EYS: variants seen among roughly 807,000 people sequenced by gnomAD.
The protein encoded by EYS is EGF-like photoreceptor maintenance factor.
A neutral mutation model predicts 282.1 loss-of-function variants in EYS; 250 were observed. The observed-to-expected ratio is 0.89, with a 90% CI of 0.80 to 0.98. The LOEUF (loss-of-function observed/expected upper bound fraction) is 0.98, where lower values mean the gene tolerates loss of function less well. EYS is among the 50% of genes least tolerant of loss of function. The probability of loss-of-function intolerance (pLI) is 0.00; values close to 1 mark genes in which losing one functional copy is unlikely to be tolerated. For synonymous variants in EYS, 1,355 were observed against 1,282.9 expected (o/e 1.06, Z -1.20); for missense variants, 4,016 against 3,709.0 (o/e 1.08, Z -2.15).
intron 26 of EYS, among the ~76,000 whole-genome samples, chr6:64,535,363 G>A (rs1227607644): frequency 6.6e-6 from 1 of 152,094 alleles, no homozygotes; most frequent in Non-Finnish European, 1.5e-5. Context: ...CAGGCATTAA[G>A]TAACTCAAGT....
At chr6:64,555,155 A>G (rs1472617611) in intron 26 of EYS, among the ~76,000 whole-genome samples, 2 of 151,956 alleles carry the variant, frequency 1.3e-5, no homozygotes, top group East Asian at 3.9e-4. Context: ...AAACAGTCAT[A>G]TAAATATGTA....
intron 13 of EYS, among the ~76,000 whole-genome samples, chr6:65,001,752 T>C (rs1047820823): frequency 1.4e-5 from 2 of 147,812 alleles, no homozygotes; most frequent in African/African-American, 4.9e-5. Context: ...TCAGAGAAAG[T>C]ATGAAGAATC....
chr6:64,434,387 T>C (rs1395494848), intron 28 of EYS, among the ~76,000 whole-genome samples: 1 of 152,136 alleles, frequency 6.6e-6, no homozygotes, highest in African/African-American at 2.4e-5. Context: ...TTATAAGTTT[T>C]ACGATGATTA....
chr6:65,466,380 C>T (rs755474436), intron 5 of EYS, among the ~76,000 whole-genome samples: 4 of 151,626 alleles, frequency 2.6e-5, no homozygotes, highest in African/African-American at 7.3e-5. Flanking sequence ...GAAATAAATC[C>T]TCAAAATAAA....
intron 35 of EYS, among the ~76,000 whole-genome samples, chr6:63,941,967 T>A (rs1295781304): frequency 6.6e-6 from 1 of 152,202 alleles, no homozygotes; most frequent in African/African-American, 2.4e-5. Flanking sequence ...GTTCTTTTGA[T>A]TTTGAACAAT....
intron 35 of EYS, among the ~76,000 whole-genome samples, chr6:63,921,363 C>T (rs1764570286): frequency 2.0e-5 from 3 of 152,190 alleles, no homozygotes; most frequent in Admixed American, 6.5e-5. Context: ...GCTGTTGATC[C>T]TCATTCTTTC....
chr6:64,840,130 T>G (rs1180736665), intron 19 of EYS, among the ~76,000 whole-genome samples: 3 of 152,142 alleles, frequency 2.0e-5, no homozygotes, highest in Non-Finnish European at 4.4e-5. Context: ...CTTTTGCTAC[T>G]TATTAGTTCA....
rs3036006 is a variant in EYS, at chr6:65,115,966, A to AATCTATCTATCT, written c.2024-58251_2024-58240dup. On this transcript the variant is annotated intron_variant, in intron 12 of 42. Transcript: ENST00000503581. ...TGTCTGTCTGTCTGTCTGTCTATCT[A>AATCTATCTATCT]ATCTATCTATCTATCTATCTATCTA... 7.4e-3 allele frequency among the ~76,000 whole-genome samples: 1,079 copies of AATCTATCTATCT among 144,938 alleles called. 5 individuals carry two copies. The highest frequency in any genetic ancestry group is 0.013 in the East Asian group (62 of 4,924).
At chr6:64,873,856 C>A (rs919009270) in intron 19 of EYS, among the ~76,000 whole-genome samples, 1 of 151,768 alleles carries the variant, frequency 6.6e-6, no homozygotes. Flanking sequence ...ATAAATTTTA[C>A]AAATGAAAAA....
intron 36 of EYS, among the ~76,000 whole-genome samples, chr6:63,839,950 C>T (rs945361480): frequency 6.6e-6 from 1 of 151,524 alleles, no homozygotes; most frequent in Non-Finnish European, 1.5e-5. Flanking sequence ...TTTGCATTTC[C>T]TTGCTGATAA....
chr6:64,156,026 GTGTGTGTGTGTGTGTT>G (rs1372090151), intron 31 of EYS, among the ~76,000 whole-genome samples: 1 of 146,792 alleles, frequency 6.8e-6, no homozygotes, highest in Non-Finnish European at 1.5e-5. Flanking sequence ...ATGTTTATGT[GTGTGTGTGTGTGTGTT>G]TGTGTGTGTG....
At chr6:64,481,402 G>C (rs1398143419) in intron 26 of EYS, among the ~76,000 whole-genome samples, 3 of 145,494 alleles carry the variant, frequency 2.1e-5, no homozygotes, top group Non-Finnish European at 4.6e-5. Context: ...CTCTGTTGCA[G>C]AGTGAAAAAA....
intron 35 of EYS, among the ~76,000 whole-genome samples, chr6:63,936,772 A>G (rs1406395367): frequency 6.6e-6 from 1 of 152,244 alleles, no homozygotes; most frequent in Non-Finnish European, 1.5e-5. Flanking sequence ...AAATATTCCT[A>G]AATTAACCTA....
chr6:64,709,522 T>C (rs1771138863), intron 22 of EYS, among the ~76,000 whole-genome samples: 2 of 152,208 alleles, frequency 1.3e-5, no homozygotes, highest in Admixed American at 1.3e-4. Flanking sequence ...TACCAAATTG[T>C]TTTAAATAAT....
In EYS at chr6:64,591,092, A is replaced by G. The variant is rs1219453536; in HGVS notation, c.4775T>C (p.Ile1592Thr). The G allele has an allele frequency of 1.9e-6, 3 of 1,551,344 alleles. No individual in the cohort carries two copies. In the Admixed American group the frequency reaches 5.9e-5, roughly 30 times the overall value. The change falls in exon 26 of 43, where the codon ATA becomes ACA. Residue 1592 changes from isoleucine (I) to threonine (T), a missense_variant. Physicochemically the swap from Ile to Thr is moderately conservative, Grantham distance 89. Coordinates refer to ENST00000503581, the MANE Select transcript of EYS (RefSeq NM_001142800.2). ...FYETFWMNSA[I>T]LASWYALMGA... is the part of the protein sequence containing the mutation. ...CATTAGTGCATACCAGCTGGCTAAT[A>G]TCGCTGAGTTCATCCAGAATGTCTC... is the stretch of plus-strand genomic sequence containing the variant.
chr6:64,384,651 C>T (rs1215417319), intron 29 of EYS, among the ~76,000 whole-genome samples: 2 of 152,252 alleles, frequency 1.3e-5, no homozygotes, highest in East Asian at 3.9e-4. Context: ...AAGCAAGAGT[C>T]CATGCACTGA....
At chr6:65,384,589 T>C (rs1229030018) in intron 7 of EYS, 89 bp from the exon 8 acceptor site, 3 of 704,960 alleles carry the variant, frequency 4.3e-6, no homozygotes, top group Non-Finnish European at 7.4e-6. Flanking sequence ...GAATAAGGCT[T>C]TGTTTAAATT....
At position 64,292,895 on chromosome 6, in the gene EYS, A is replaced by G. The variant is rs1582546270; in HGVS notation, c.6191+14075T>C. Among the ~76,000 whole-genome samples, 3 of 152,242 alleles carry G rather than the reference A, an allele frequency of 2.0e-5. 1 individual carries two copies. The East Asian group carries it at 5.8e-4, about 29-fold the overall frequency. On this transcript the variant is annotated intron_variant, in intron 30 of 42. Transcript: ENST00000503581. ...GGTCAGTATTATTGTTATCATCACC[A>G]TTTATAGATGAGGAAACTATGAAGT...
At chr6:65,705,405 T>C (rs1173978779) in intron 1 of EYS, among the ~76,000 whole-genome samples, 1 of 152,206 alleles carries the variant, frequency 6.6e-6, no homozygotes, top group Non-Finnish European at 1.5e-5. Context: ...CTTTTTTGTT[T>C]TCCCTAAGTT....
Sources: allele counts gnomAD v4.1 joint callset (sites outside exome capture counted in the v4.1 genomes callset), GRCh38; gene constraint gnomAD v4.1.1; transcripts MANE v1.5; gene names NCBI Gene and HGNC (gene_info 2026-07-23, HGNC 2026-07-21).